Variants in CNTLN observed in about 807,000 individuals in gnomAD.
CNTLN encodes centlein.
Under a neutral mutation model 180.0 loss-of-function variants are expected in CNTLN, and 212 were observed. The ratio of observed to expected loss-of-function variants is 1.18; its 90% confidence interval spans 1.05 to 1.32. The LOEUF is 1.32. Among genes scored for constraint, CNTLN ranks in the 40% most tolerant of loss-of-function variants. The pLI is 0.00. For synonymous variants in CNTLN, 722 were observed against 563.1 expected (o/e 1.28, Z -3.99); for missense variants, 2,095 against 1,610.9 (o/e 1.30, Z -5.14).
In CNTLN at chr9:17,466,704, A is replaced by G. The variant is rs972704417; in HGVS notation, c.3670-2A>G. The G allele has an allele frequency of 1.2e-6, 2 of 1,604,150 alleles. No homozygotes were observed. The highest frequency in any genetic ancestry group is 3.4e-5 in the Admixed American group (2 of 58,732). ...TATTTTATGACTGCTGATCTTTTGC[A>G]GGATCTCAAGCTTACTCTCCTAGTA... On this transcript the variant is annotated splice_acceptor_variant, in intron 22 of 25. Transcript: ENST00000380647. LOFTEE classifies it high-confidence loss of function.
chr9:17,332,009 G>A (rs1162264495), intron 9 of CNTLN, among the ~76,000 whole-genome samples: 1 of 152,016 alleles, frequency 6.6e-6, no homozygotes, highest in African/African-American at 2.4e-5. Context: ...GTGTTGCCCA[G>A]CTTAATAGTT....
At chr9:17,520,638 C>G in the CNTLN span, among the ~76,000 whole-genome samples, 38 of 152,278 alleles carry the variant, frequency 2.5e-4, no homozygotes, top group Admixed American at 2.4e-3. Flanking sequence ...AAAGGGAGCT[C>G]TATTTATTGA....
the CNTLN span, among the ~76,000 whole-genome samples, chr9:17,514,348 G>A: frequency 2.6e-4 from 39 of 152,162 alleles, no homozygotes; most frequent in South Asian, 1.0e-3. Flanking sequence ...CAAATAAACC[G>A]TGACACATAA....
At chr9:17,454,408 G>A (rs1830988568) in intron 18 of CNTLN, among the ~76,000 whole-genome samples, 1 of 152,194 alleles carries the variant, frequency 6.6e-6, no homozygotes, top group South Asian at 2.1e-4. Context: ...TGCGGATATA[G>A]AGTCAGAGGA....
chr9:17,290,707 C>T (rs537791237), intron 6 of CNTLN, among the ~76,000 whole-genome samples: 2 of 150,914 alleles, frequency 1.3e-5, no homozygotes, highest in African/African-American at 2.4e-5. Context: ...GATATAATCT[C>T]ATGGTTCGCC....
intron 5 of CNTLN, among the ~76,000 whole-genome samples, chr9:17,267,312 G>A (rs564384287): frequency 5.3e-5 from 8 of 152,182 alleles, no homozygotes; most frequent in African/African-American, 1.9e-4. Context: ...TAGGTTGGCT[G>A]GATATGAAAT....
chr9:17,459,226 T>C (rs2134169625), intron 19 of CNTLN, among the ~76,000 whole-genome samples: 1 of 152,056 alleles, frequency 6.6e-6, no homozygotes, highest in African/African-American at 2.4e-5. Context: ...TTTTACTTAC[T>C]ACAAATGGTC....
chr9:17,227,605 G>A (rs928090634), intron 3 of CNTLN, among the ~76,000 whole-genome samples: 21 of 151,684 alleles, frequency 1.4e-4, no homozygotes, highest in African/African-American at 4.4e-4. Flanking sequence ...CCAATTAAAG[G>A]TTCATGAGAA....
intron 12 of CNTLN, among the ~76,000 whole-genome samples, chr9:17,347,359 G>A (rs1180547872): frequency 4.6e-4 from 70 of 152,072 alleles, no homozygotes; most frequent in South Asian, 6.2e-4. Context: ...TCCATCATAA[G>A]TTGAAAATAT....
chr9:17,200,589 T>C (rs898172264), intron 2 of CNTLN, among the ~76,000 whole-genome samples: 2 of 152,160 alleles, frequency 1.3e-5, no homozygotes, highest in African/African-American at 4.8e-5. Context: ...TTTTATTTTC[T>C]TTGTAGCAAT....
intron 18 of CNTLN, among the ~76,000 whole-genome samples, chr9:17,435,024 A>G (rs990174906): frequency 6.6e-6 from 1 of 152,182 alleles, no homozygotes; most frequent in African/African-American, 2.4e-5. Flanking sequence ...GTAGTCCATT[A>G]CTTAAATTTT....
chr9:17,233,870 C>G (rs1305690398), intron 3 of CNTLN, among the ~76,000 whole-genome samples: 1 of 151,944 alleles, frequency 6.6e-6, no homozygotes, highest in South Asian at 2.1e-4. Context: ...TGTCTTTGAA[C>G]TATAAAGAAA....
At chr9:17,461,430 C>G (rs1831440974) in intron 19 of CNTLN, among the ~76,000 whole-genome samples, 1 of 151,644 alleles carries the variant, frequency 6.6e-6, no homozygotes, top group Admixed American at 6.6e-5. Context: ...ATTACACACA[C>G]ATTTGATCAA....
chr9:17,425,528 A>G (rs1347248589), intron 18 of CNTLN, among the ~76,000 whole-genome samples: 1 of 152,182 alleles, frequency 6.6e-6, no homozygotes, highest in Non-Finnish European at 1.5e-5. Flanking sequence ...TTGACAGCCC[A>G]AGCAAACTAA....
chr9:17,478,193 T>A (rs1348201412), intron 23 of CNTLN, among the ~76,000 whole-genome samples: 1 of 152,264 alleles, frequency 6.6e-6, no homozygotes, highest in African/African-American at 2.4e-5. Flanking sequence ...ACATAACTTT[T>A]ACATTCACTG....
At chr9:17,338,364 G>A (rs868071395) in intron 10 of CNTLN, among the ~76,000 whole-genome samples, 2 of 67,210 alleles carry the variant, frequency 3.0e-5, no homozygotes, top group African/African-American at 5.1e-5. Context: ...TTAGAGATGG[G>A]GTTTCACTAT....
intron 5 of CNTLN, among the ~76,000 whole-genome samples, chr9:17,263,052 A>G (rs1477937958): frequency 6.6e-6 from 1 of 150,980 alleles, no homozygotes; most frequent in Non-Finnish European, 1.5e-5. Context: ...TAATTTTATT[A>G]TTATTATACT....
chr9:17,244,062 C>A (rs1015455130), intron 5 of CNTLN, among the ~76,000 whole-genome samples: 1 of 151,940 alleles, frequency 6.6e-6, no homozygotes, highest in Non-Finnish European at 1.5e-5. Context: ...ATATAATGAT[C>A]TTTATTTCTT....
At chr9:17,272,167 C>T (rs898251138) in intron 5 of CNTLN, among the ~76,000 whole-genome samples, 4 of 149,124 alleles carry the variant, frequency 2.7e-5, no homozygotes, top group African/African-American at 9.8e-5. Flanking sequence ...ACCTCCGCCT[C>T]CTGGGTTCAA....
Sources: gnomAD v4.1 joint callset for allele counts (sites outside exome capture counted in the v4.1 genomes callset) on GRCh38, gnomAD v4.1.1 for gene constraint, MANE v1.5 for transcripts, NCBI Gene and HGNC (gene_info 2026-07-23, HGNC 2026-07-21) for gene names.